Variants in KCNB2 observed in about 807,000 individuals in gnomAD.
KCNB2 encodes potassium voltage-gated channel subfamily B member 2.
A neutral mutation model predicts 61.5 loss-of-function variants in KCNB2; 15 were observed. The ratio of observed to expected loss-of-function variants is 0.24; its 90% CI spans 0.16 to 0.38. The LOEUF is 0.38. Ranked by LOEUF, KCNB2 falls within the 10% of genes least tolerant of loss-of-function variation. The pLI is 1.00. For synonymous variants in KCNB2, 457 were observed against 446.0 expected (o/e 1.02, Z -0.31); for missense variants, 828 against 1,125.2 (o/e 0.74, Z 3.78).
In KCNB2 at chr8:72,567,830, A is replaced by G. The variant is rs1585756103; in HGVS notation, c.96A>G (p.Thr32=). ...PEPVDIIRSK[T]CSRRVKINVG... Reference sequence around the variant, plus strand: ...CTGTGGACATTATCCGGAGCAAAACATGCTCCAGGAGAGTTAAGATCAATG... The same window carrying G: ...CTGTGGACATTATCCGGAGCAAAACGTGCTCCAGGAGAGTTAAGATCAATG... Residue 32 remains threonine (T), a synonymous_variant, in exon 2 of 3, where the codon ACA becomes ACG. Coordinates refer to ENST00000523207, the MANE Select transcript of KCNB2 (RefSeq NM_004770.3). 1 of 1,613,934 alleles carries G rather than the reference A, an allele frequency of 6.2e-7. No individual in the cohort carries two copies. The highest frequency in any genetic ancestry group is 1.1e-5 in the South Asian group (1 of 91,068).
chr8:72,853,299 TGGCACACAAA>T (rs1810152846), intron 2 of KCNB2, among the ~76,000 whole-genome samples: 1 of 152,200 alleles, frequency 6.6e-6, no homozygotes, highest in African/African-American at 2.4e-5. Flanking sequence ...TGAGCTGACA[TGGCACACAAA>T]GGCTAGTTCC....
chr8:72,903,894 C>T (rs1806128525), intron 2 of KCNB2, among the ~76,000 whole-genome samples: 1 of 152,048 alleles, frequency 6.6e-6, no homozygotes, highest in Admixed American at 6.6e-5. Flanking sequence ...ATGGACAAGA[C>T]ACAACTTTTT....
chr8:72,848,838 T>C (rs980851338), intron 2 of KCNB2, among the ~76,000 whole-genome samples: 1 of 152,088 alleles, frequency 6.6e-6, no homozygotes, highest in African/African-American at 2.4e-5. Flanking sequence ...ATGCTAGGTA[T>C]ACAGTAATGA....
intron 2 of KCNB2, among the ~76,000 whole-genome samples, chr8:72,651,080 C>T (rs1806203986): frequency 6.6e-6 from 1 of 152,120 alleles, no homozygotes. Context: ...TTTTCCTGTG[C>T]TCTGCAGCAT....
chr8:72,708,372 C>CTCGTGGAGG (rs1161104984), intron 2 of KCNB2, among the ~76,000 whole-genome samples: 1 of 152,170 alleles, frequency 6.6e-6, no homozygotes, highest in African/African-American at 2.4e-5. Flanking sequence ...CAGCTAAGCG[C>CTCGTGGAGG]TCGTGGAGGT....
chr8:72,902,201 T>G (rs1806103499), intron 2 of KCNB2, among the ~76,000 whole-genome samples: 2 of 152,050 alleles, frequency 1.3e-5, no homozygotes, highest in South Asian at 4.1e-4. Context: ...GTAATGAAAT[T>G]GAAGTGTTGG....
chr8:72,582,517 A>G (rs1317856374), intron 2 of KCNB2, among the ~76,000 whole-genome samples: 2 of 152,230 alleles, frequency 1.3e-5, no homozygotes, highest in African/African-American at 4.8e-5. Context: ...GAAGTTACAA[A>G]TGTGGATAAG....
intron 2 of KCNB2, among the ~76,000 whole-genome samples, chr8:72,923,251 C>A (rs1806559610): frequency 6.6e-6 from 1 of 151,608 alleles, no homozygotes; most frequent in South Asian, 2.1e-4. Context: ...TTACCTGACT[C>A]TGTTAATTCT....
chr8:72,713,356 T>A (rs1235938705), intron 2 of KCNB2, among the ~76,000 whole-genome samples: 1 of 152,236 alleles, frequency 6.6e-6, no homozygotes, highest in Non-Finnish European at 1.5e-5. Flanking sequence ...ACGGGCAGAC[T>A]GCCTCTTCAA....
intron 2 of KCNB2, among the ~76,000 whole-genome samples, chr8:72,604,688 C>T (rs1438718129): frequency 6.6e-6 from 1 of 152,078 alleles, no homozygotes; most frequent in Admixed American, 6.6e-5. Context: ...TTGTTTTGTA[C>T]CCATTTAAAT....
At chr8:72,698,681 G>A (rs1040073963) in intron 2 of KCNB2, among the ~76,000 whole-genome samples, 2 of 151,974 alleles carry the variant, frequency 1.3e-5, no homozygotes, top group African/African-American at 4.8e-5. Context: ...TACCAACTGA[G>A]CAGAATAGAG....
At chr8:72,783,152 C>T (rs1483890700) in intron 2 of KCNB2, among the ~76,000 whole-genome samples, 2 of 152,150 alleles carry the variant, frequency 1.3e-5, no homozygotes, top group Non-Finnish European at 2.9e-5. Context: ...GTTTCCACTT[C>T]ACAAGAAAAT....
chr8:72,664,326 T>C (rs1484902599), intron 2 of KCNB2, among the ~76,000 whole-genome samples: 2 of 152,182 alleles, frequency 1.3e-5, no homozygotes, highest in Non-Finnish European at 2.9e-5. Flanking sequence ...TTTCCTACAT[T>C]TTGTGCAAGG....
At chr8:72,858,481 C>A (rs1393800930) in intron 2 of KCNB2, among the ~76,000 whole-genome samples, 2 of 152,174 alleles carry the variant, frequency 1.3e-5, no homozygotes, top group South Asian at 2.1e-4. Flanking sequence ...CTATAATGTA[C>A]AACTTAGCCA....
intron 2 of KCNB2, chr8:72,749,239 C>T (rs1808141711): frequency 6.6e-6 from 1 of 152,196 alleles, no homozygotes; most frequent in Non-Finnish European, 1.5e-5. Context: ...ATGCCTCACC[C>T]TCCAGAGTAG....
chr8:72,566,084 G>A (rs1806620205), intron 1 of KCNB2, among the ~76,000 whole-genome samples: 1 of 152,098 alleles, frequency 6.6e-6, no homozygotes, highest in South Asian at 2.1e-4. Context: ...CAAGAAAAAT[G>A]TTTCTAGAAC....
intron 2 of KCNB2, among the ~76,000 whole-genome samples, chr8:72,578,452 T>C (rs1284726091): frequency 6.6e-6 from 1 of 152,200 alleles, no homozygotes; most frequent in Non-Finnish European, 1.5e-5. Flanking sequence ...TTATATTTCT[T>C]AAAAGAATTC....
intron 2 of KCNB2, among the ~76,000 whole-genome samples, chr8:72,601,967 A>G (rs1805356803): frequency 6.6e-6 from 1 of 152,070 alleles, no homozygotes; most frequent in African/African-American, 2.4e-5. Context: ...CAGAATTGCA[A>G]CTCAAGTTTG....
chr8:72,601,833 CCCAAGCAGTATTT>C, intron 2 of KCNB2, among the ~76,000 whole-genome samples: 1 of 152,160 alleles, frequency 6.6e-6, no homozygotes, highest in Non-Finnish European at 1.5e-5. Flanking sequence ...GACAATATCA[CCCAAGCAGTATTT>C]CAACAAGCCT....
Sources: gnomAD v4.1 joint callset for allele counts (sites outside exome capture counted in the v4.1 genomes callset) on GRCh38, gnomAD v4.1.1 for gene constraint, MANE v1.5 for transcripts, NCBI Gene and HGNC (gene_info 2026-07-23, HGNC 2026-07-21) for gene names.